MAP6: variants seen among roughly 807,000 people sequenced by gnomAD.
MAP6 encodes the protein microtubule-associated protein 6.
MAP6 carries 26 observed loss-of-function variants against 42.4 expected under a neutral mutation model. The observed-to-expected ratio is 0.61, with a 90% CI of 0.45 to 0.85. MAP6 has a LOEUF of 0.85. MAP6 is among the 40% of genes least tolerant of loss of function. The probability of loss-of-function intolerance (pLI) is 0.00; values close to 1 mark genes in which losing one functional copy is unlikely to be tolerated. For synonymous variants in MAP6, 418 were observed against 443.8 expected (o/e 0.94, Z 0.73); for missense variants, 966 against 1,099.0 (o/e 0.88, Z 1.71).
At chr11:75,606,905 C>A (rs1201009449) in intron 2 of MAP6, among the ~76,000 whole-genome samples, 4 of 152,192 alleles carry the variant, frequency 2.6e-5, no homozygotes, top group African/African-American at 4.8e-5. Flanking sequence ...CTCAATAGGC[C>A]ACCCCCCTCA....
intron 1 of MAP6, among the ~76,000 whole-genome samples, chr11:75,633,498 G>A (rs951491631): frequency 6.6e-6 from 1 of 152,208 alleles, no homozygotes; most frequent in Admixed American, 6.5e-5. Flanking sequence ...CAAAGTCCCT[G>A]CCCTCTTGGA....
chr11:75,593,667 TG>T (rs1253645696), intron 3 of MAP6, among the ~76,000 whole-genome samples: 1 of 152,238 alleles, frequency 6.6e-6, no homozygotes, highest in African/African-American at 2.4e-5. Flanking sequence ...GGGGAGCCTA[TG>T]GACCCTGTCC....
At chr11:75,643,213 G>C (rs2135662872) in intron 1 of MAP6, among the ~76,000 whole-genome samples, 1 of 150,356 alleles carries the variant, frequency 6.7e-6, no homozygotes, top group Admixed American at 6.6e-5. Flanking sequence ...TATTATGTAT[G>C]TGTTTTATAT....
Position 75,605,809 on chromosome 11 carries a change from C to T in MAP6, c.1315G>A (p.Glu439Lys). The change falls in exon 3 of 4, where the codon GAG becomes AAG. Residue 439 changes from glutamate (E) to lysine (K), a missense_variant and splice_region_variant. Coordinates refer to ENST00000304771, the MANE Select transcript of MAP6 (RefSeq NM_033063.2). ...AAAGGAAAGTGCAGGGAAATTTACT[C>T]TTTCGCCTCAGCCAGTTTATTGTTC... ...EMNNKLAEAK[E>K]SLAQPVSDSS... The T allele has an allele frequency of 6.2e-7, 1 of 1,613,866 alleles. No individual in the cohort carries two copies. The highest frequency in any genetic ancestry group is 8.5e-7 in the Non-Finnish European group (1 of 1,179,904).
In MAP6 at chr11:75,668,025, G is replaced by A. The variant is rs2135709212; in HGVS notation, c.345C>T (p.Gly115=). The A allele has an allele frequency of 1.6e-6, 2 of 1,233,416 alleles. No individual in the cohort carries two copies. Among genetic ancestry groups the A allele is most frequent in the Non-Finnish European group, 1.0e-6 (1 of 988,430 alleles). The allele number at this position is 1,233,416 out of a possible 1,614,324, so 76.4% of individuals were successfully genotyped here. Reference sequence around the variant, plus strand: ...CCTGCCGCATCACCGAGTCCGCGGGGCCGGAGGTGGAGCCGGAGCCCAGGC... The same window carrying A: ...CCTGCCGCATCACCGAGTCCGCGGGACCGGAGGTGGAGCCGGAGCCCAGGC... The part of the protein sequence containing the change: ...GPGLGSGSTS[G]PADSVMRQDY... Residue 115 remains glycine, a synonymous_variant, in exon 1 of 4, where the codon GGC becomes GGT. Transcript: ENST00000304771.
chr11:75,665,813 A>T (rs1433695072), intron 1 of MAP6, among the ~76,000 whole-genome samples: 1 of 152,128 alleles, frequency 6.6e-6, no homozygotes, highest in African/African-American at 2.4e-5. Context: ...TTTGACCAAG[A>T]GCTCAAAGGA....
At chr11:75,666,284 G>C (rs969558785) in intron 1 of MAP6, among the ~76,000 whole-genome samples, 3 of 152,198 alleles carry the variant, frequency 2.0e-5, no homozygotes, top group Non-Finnish European at 4.4e-5. Context: ...AACATAAGGG[G>C]AGAATTGAAA....
chr11:75,591,695 C>T (rs768665149), intron 3 of MAP6, among the ~76,000 whole-genome samples: 118 of 152,338 alleles, frequency 7.7e-4, no homozygotes, highest in Non-Finnish European at 1.1e-3. Context: ...CGCCTTCTCC[C>T]AGCCTGTGCA....
intron 3 of MAP6, among the ~76,000 whole-genome samples, chr11:75,593,566 G>GT (rs940780106): frequency 6.6e-6 from 1 of 152,172 alleles, no homozygotes; most frequent in Non-Finnish European, 1.5e-5. Context: ...CATCCACGTG[G>GT]TTTTTTTCTT....
rs890266221 is a variant in MAP6, at chr11:75,600,573, A to G, written c.1316+5235T>C. ...TTGAAACAGCTGTCTTTCCTGTTCC[A>G]GTGGCCTTGGCTGCCCTAGCCGCTT... On this transcript the variant is annotated intron_variant, in intron 3 of 3. Coordinates refer to ENST00000304771, the MANE Select transcript of MAP6 (RefSeq NM_033063.2). Among the ~76,000 whole-genome samples, 7 of 152,074 alleles carry G rather than the reference A, an allele frequency of 4.6e-5. No homozygotes were observed. The East Asian group carries it at 1.2e-3, about 25-fold the overall frequency.
At chr11:75,632,846 T>A (rs1397886533) in intron 1 of MAP6, among the ~76,000 whole-genome samples, 2 of 152,174 alleles carry the variant, frequency 1.3e-5, no homozygotes, top group Admixed American at 1.3e-4. Flanking sequence ...TAATTCAATA[T>A]GTTAATTTTT....
In MAP6 at chr11:75,586,975, C is replaced by T; in HGVS notation, c.*84G>A. On this transcript the variant is annotated 3_prime_UTR_variant, in exon 4 of 4. Transcript: ENST00000304771. ...GCAAGACTACTGTACATGTTTCATG[C>T]AGATTAAATATGTGTCTTCACTGCC... The T allele has an allele frequency of 7.4e-7, 1 of 1,349,340 alleles. No homozygotes were observed. Among genetic ancestry groups the T allele is most frequent in the Non-Finnish European group, 1.0e-6 (1 of 984,172 alleles). 83.6% of individuals were successfully genotyped at this position (1,349,340 alleles called of 1,614,324 possible). A position where few individuals can be genotyped will look rare whatever the true frequency, so the allele number is the denominator to read the frequency against.
At position 75,617,818 on chromosome 11, in the gene MAP6, G is replaced by C. The variant is rs561480622; in HGVS notation, c.906-9496C>G. ...CACTGTCAGGGTTTACCAGTCCTAG[G>C]AATGCTGGGGTGGTTGTGCCACAAG... is the stretch of plus-strand genomic sequence containing the variant. On this transcript the variant is annotated intron_variant, in intron 1 of 3. Transcript: ENST00000304771. 2.0e-5 allele frequency among the ~76,000 whole-genome samples: 3 copies of C among 152,258 alleles called. No individual in the cohort carries two copies. The East Asian group carries it at 5.8e-4, about 29-fold the overall frequency.
chr11:75,644,774 T>C (rs904096747), intron 1 of MAP6, among the ~76,000 whole-genome samples: 10 of 152,214 alleles, frequency 6.6e-5, no homozygotes, highest in East Asian at 3.8e-4. Flanking sequence ...ATGATTTATA[T>C]AGAAAATCTA....
At chr11:75,593,911 T>C (rs775745143) in intron 3 of MAP6, among the ~76,000 whole-genome samples, 2 of 152,208 alleles carry the variant, frequency 1.3e-5, no homozygotes, top group African/African-American at 4.8e-5. Context: ...AGCCATAGGA[T>C]GGCACTGGGG....
chr11:75,668,538 A>C lies in MAP6; in HGVS notation c.-169T>G. ...CCTCCCTCAGCGAGCACCCGGGGAGAGCTGTCCTAGGAGAGTCTGTAGAGT... is the reference window on the plus strand; with the variant it reads ...CCTCCCTCAGCGAGCACCCGGGGAGCGCTGTCCTAGGAGAGTCTGTAGAGT... On this transcript the variant is annotated 5_prime_UTR_variant, in exon 1 of 4. Transcript: ENST00000304771. The C allele has an allele frequency of 1.0e-6, 1 of 969,556 alleles. No homozygotes were observed. Among genetic ancestry groups the C allele is most frequent in the Non-Finnish European group, 1.4e-6 (1 of 721,394 alleles). The allele number at this position is 969,556 out of a possible 1,614,324, so 60.1% of individuals were successfully genotyped here.
rs1450230258 is a variant in MAP6, at chr11:75,587,544, T to C, written c.1957A>G (p.Met653Val). ...TGATTCTTTATGGGTGCTGTGGCCA[T>C]GGCACTTTCATCCTTCGGATGCTCT... The part of the protein sequence containing the change: ...VPEHPKDESA[M>V]ATAPIKNQGS... Residue 653 changes from methionine to valine, a missense_variant, in exon 4 of 4, where the codon ATG becomes GTG. Physicochemically the swap from Met to Val is conservative, Grantham distance 21. Around this residue, in one of 2 missense-constraint regions of MAP6, gnomAD observed 943 missense variants for 1,049.9 expected, o/e 0.90. Transcript: ENST00000304771. 2 of 1,614,104 alleles carry C rather than the reference T, an allele frequency of 1.2e-6. No individual in the cohort carries two copies. The highest frequency in any genetic ancestry group is 1.7e-6 in the Non-Finnish European group (2 of 1,180,056).
intron 1 of MAP6, among the ~76,000 whole-genome samples, chr11:75,632,983 G>C (rs1308520335): frequency 6.6e-6 from 1 of 150,978 alleles, no homozygotes; most frequent in African/African-American, 2.4e-5. Flanking sequence ...TGTTGTTGCT[G>C]TTGTTTCTTT....
intron 3 of MAP6, among the ~76,000 whole-genome samples, chr11:75,597,543 C>G (rs1458268732): frequency 6.6e-6 from 1 of 152,164 alleles, no homozygotes; most frequent in Non-Finnish European, 1.5e-5. Flanking sequence ...TGCTAATGAC[C>G]CTTTTTAAAA....
Sources: allele counts gnomAD v4.1 joint callset (sites outside exome capture counted in the v4.1 genomes callset), GRCh38; gene constraint gnomAD v4.1.1; regional missense constraint gnomAD v4.1.1; transcripts MANE v1.5; gene names NCBI Gene and HGNC (gene_info 2026-07-23, HGNC 2026-07-21).